Variants in WWOX observed in about 807,000 individuals in gnomAD.
The protein encoded by WWOX is WW domain-containing oxidoreductase.
Under a neutral mutation model 46.2 loss-of-function variants are expected in WWOX, and 69 were observed. The observed-to-expected ratio is 1.49, with a 90% CI of 1.23 to 1.82. The LOEUF (loss-of-function observed/expected upper bound fraction) is 1.82, where lower values mean the gene tolerates loss of function less well. WWOX is among the 40% of genes most tolerant of loss of function. The pLI is 0.00. For synonymous variants in WWOX, 359 were observed against 202.6 expected, an observed-to-expected ratio of 1.77 and a Z score of -6.56; for missense variants, 919 against 542.6, an observed-to-expected ratio of 1.69 and a Z score of -6.89.
intron 5 of WWOX, among the ~76,000 whole-genome samples, chr16:78,249,777 A>C (rs187043355): frequency 6.6e-6 from 1 of 152,050 alleles, no homozygotes; most frequent in Non-Finnish European, 1.5e-5. Context: ...CTCAAACTAG[A>C]ACGTGGCTTT....
chr16:78,279,085 C>T (rs1033425222), intron 5 of WWOX, among the ~76,000 whole-genome samples: 5 of 152,062 alleles, frequency 3.3e-5, no homozygotes, highest in East Asian at 3.9e-4. Flanking sequence ...CACCAGAGTT[C>T]GCTGTCAATG....
intron 8 of WWOX, among the ~76,000 whole-genome samples, chr16:79,161,504 G>A (rs987501493): frequency 2.6e-5 from 4 of 152,072 alleles, no homozygotes; most frequent in Non-Finnish European, 5.9e-5. Context: ...AATAAGTTAT[G>A]TCTAAGTTTT....
At chr16:78,410,060 AC>A (rs2082641847) in intron 6 of WWOX, among the ~76,000 whole-genome samples, 1 of 152,158 alleles carries the variant, frequency 6.6e-6, no homozygotes, top group African/African-American at 2.4e-5. Flanking sequence ...TGCATGACTT[AC>A]GGCCATCCCT....
Position 79,212,506 on chromosome 16 carries a change from T to C in WWOX, c.*710T>C, listed in dbSNP as rs2051802323. The C allele has an allele frequency of 5.2e-6, 1 of 193,758 alleles. No homozygotes were observed. The highest frequency in any genetic ancestry group is 2.3e-5 in the African/African-American group (1 of 43,126). The allele number at this position is 193,758 out of a possible 1,614,324, so 12.0% of individuals were successfully genotyped here. A position where few individuals can be genotyped will look rare whatever the true frequency, so the allele number is the denominator to read the frequency against. On this transcript the variant is annotated 3_prime_UTR_variant, in exon 9 of 9. Coordinates refer to ENST00000566780, the MANE Select transcript of WWOX (RefSeq NM_016373.4). ...TGAAAGGCAGGAAGGGAAGCGTATATACTTAAGAATACACAGGATATTTTG... is the reference window on the plus strand; with the variant it reads ...TGAAAGGCAGGAAGGGAAGCGTATACACTTAAGAATACACAGGATATTTTG...
At position 78,815,327 on chromosome 16, in the gene WWOX, G is replaced by A. The variant is rs60585154; in HGVS notation, c.1056+382575G>A. Among the ~76,000 whole-genome samples the A allele has an allele frequency of 6.8e-3, 841 of 123,776 alleles. 6 individuals carry two copies. Among genetic ancestry groups the A allele is most frequent in the African/African-American group, 0.022 (745 of 33,652 alleles). 81.2% of individuals were successfully genotyped at this position (123,776 alleles called of 152,430 possible). A position where few individuals can be genotyped will look rare whatever the true frequency, so the allele number is the denominator to read the frequency against. On this transcript the variant is annotated intron_variant, in intron 8 of 8. Transcript: ENST00000566780. ...CTGAGAGAATGAAACTCTGTCTCGAGAAAAAAAAAAAAAAAGAAGGTTTCA... is the reference window on the plus strand; with the variant it reads ...CTGAGAGAATGAAACTCTGTCTCGAAAAAAAAAAAAAAAAAGAAGGTTTCA...
At chr16:78,423,836 A>G (rs2083010189) in intron 6 of WWOX, among the ~76,000 whole-genome samples, 1 of 146,322 alleles carries the variant, frequency 6.8e-6, no homozygotes, top group African/African-American at 2.5e-5. Context: ...ACAGAGAAAG[A>G]TCTTGTCAAA....
At chr16:79,028,701 A>C (rs2047694470) in intron 8 of WWOX, among the ~76,000 whole-genome samples, 2 of 151,812 alleles carry the variant, frequency 1.3e-5, no homozygotes, top group South Asian at 4.2e-4. Context: ...TGGAAAGCAA[A>C]TTGAATAAAT....
intron 8 of WWOX, among the ~76,000 whole-genome samples, chr16:78,870,474 G>C (rs1256217501): frequency 6.6e-6 from 1 of 151,598 alleles, no homozygotes; most frequent in Non-Finnish European, 1.5e-5. Flanking sequence ...CTTGATTCAA[G>C]ATTCAGAGCT....
At chr16:78,820,711 G>A (rs993338370) in intron 8 of WWOX, among the ~76,000 whole-genome samples, 11 of 152,072 alleles carry the variant, frequency 7.2e-5, no homozygotes, top group East Asian at 1.9e-4. Context: ...ACAAATTATC[G>A]CAAACTGGGT....
intron 5 of WWOX, among the ~76,000 whole-genome samples, chr16:78,321,502 A>G (rs1382305460): frequency 1.3e-5 from 2 of 151,450 alleles, no homozygotes; most frequent in Non-Finnish European, 1.5e-5. Context: ...TGAAACTTGG[A>G]GTGGATTCGT....
chr16:78,775,770 T>G (rs1477095718), intron 8 of WWOX, among the ~76,000 whole-genome samples: 1 of 152,244 alleles, frequency 6.6e-6, no homozygotes, highest in African/African-American at 2.4e-5. Context: ...GACTTTATTT[T>G]TCCTTTAGCC....
At chr16:79,082,490 A>C (rs1224425066) in intron 8 of WWOX, among the ~76,000 whole-genome samples, 2 of 152,158 alleles carry the variant, frequency 1.3e-5, no homozygotes, top group African/African-American at 4.8e-5. Flanking sequence ...TTATAGACCT[A>C]TGGAGATGTT....
At chr16:78,943,618 G>T (rs1489177524) in intron 8 of WWOX, among the ~76,000 whole-genome samples, 2 of 152,186 alleles carry the variant, frequency 1.3e-5, no homozygotes. Flanking sequence ...GCTCCACTCT[G>T]TGTGGCCCCG....
intron 8 of WWOX, among the ~76,000 whole-genome samples, chr16:78,777,628 G>C (rs1597593154): frequency 6.6e-6 from 1 of 152,170 alleles, no homozygotes; most frequent in African/African-American, 2.4e-5. Flanking sequence ...GCTAATTTTT[G>C]CAATAGTCAA....
chr16:78,755,530 G>C (rs1444984980), intron 8 of WWOX, among the ~76,000 whole-genome samples: 1 of 152,094 alleles, frequency 6.6e-6, no homozygotes, highest in Non-Finnish European at 1.5e-5. Context: ...GCTGTATCCT[G>C]GTGTTGTAAT....
intron 8 of WWOX, among the ~76,000 whole-genome samples, chr16:78,778,775 C>T (rs568314509): frequency 1.3e-5 from 2 of 152,302 alleles, no homozygotes; most frequent in South Asian, 4.2e-4. Flanking sequence ...CCGCCGTCCC[C>T]AACCCTGAGC....
At chr16:79,105,816 C>G (rs1050527458) in intron 8 of WWOX, 14 of 152,060 alleles carry the variant, frequency 9.2e-5, no homozygotes, top group African/African-American at 3.4e-4. Context: ...GCAGTCACCA[C>G]CACACCCAGC....
intron 5 of WWOX, among the ~76,000 whole-genome samples, chr16:78,323,365 A>G (rs1000176711): frequency 6.6e-6 from 1 of 152,108 alleles, no homozygotes; most frequent in Non-Finnish European, 1.5e-5. Context: ...TCAGCCTCCT[A>G]AAGTGCTGGG....
At chr16:78,105,722 T>G (rs2032097135) in intron 1 of WWOX, among the ~76,000 whole-genome samples, 1 of 152,208 alleles carries the variant, frequency 6.6e-6, no homozygotes, top group South Asian at 2.1e-4. Flanking sequence ...CTTCACCTTC[T>G]AAGGGCTGGG....
Sources: allele counts gnomAD v4.1 joint callset (sites outside exome capture counted in the v4.1 genomes callset), GRCh38; gene constraint gnomAD v4.1.1; transcripts MANE v1.5; gene names NCBI Gene and HGNC (gene_info 2026-07-23, HGNC 2026-07-21).